Variants in JAK1 observed in about 807,000 individuals in gnomAD.
The protein encoded by JAK1 is Janus kinase 1, also known as tyrosine-protein kinase JAK1.
JAK1 carries 16 observed loss-of-function variants against 136.6 expected under a neutral mutation model. The ratio of observed to expected loss-of-function variants is 0.12; its 90% CI spans 0.08 to 0.18. The LOEUF is 0.18. Ranked by LOEUF, JAK1 falls within the 10% of genes least tolerant of loss-of-function variation. The pLI, the probability that JAK1 is intolerant of heterozygous loss-of-function variation, is 1.00. For missense variants in JAK1, 859 were observed against 1,450.1 expected, an observed-to-expected ratio of 0.59 and a Z score of 6.62; for synonymous variants, 492 against 519.5, an observed-to-expected ratio of 0.95 and a Z score of 0.72.
rs76199015 is a variant in JAK1 at position 64,896,011 on chromosome 1, C to T, written c.-77-9670G>A. On this transcript the variant is annotated intron_variant, in intron 1 of 24. Transcript: ENST00000342505. ...CTGTCAATGGGGAACTACTCGGGAA[C>T]GGGGAAGCTATCCAAGTCTTGGAGA... Among the ~76,000 whole-genome samples the T allele has an allele frequency of 2.0e-3, 298 of 152,260 alleles. 2 individuals carry two copies. Among genetic ancestry groups the T allele is most frequent in the Non-Finnish European group, 3.2e-3 (218 of 68,014 alleles).
At position 64,839,604 on chromosome 1, in the gene JAK1, G is replaced by A. The variant is rs200375330; in HGVS notation, c.2841C>T (p.Asp947=). The change falls in exon 20 of 25, where the codon GAC becomes GAT. Residue 947 remains aspartate, a splice_region_variant and synonymous_variant. Transcript: ENST00000342505. The part of the protein sequence containing the change: ...IVKYKGICTE[D]GGNGIKLIME... ...GGACCCCAGCCTTGCATAACATACC[G>A]TCTTCTGTGCAGATTCCTTTGTACT... 7.5e-4 allele frequency: 1,217 copies of A among 1,613,096 alleles called. 1 individual carries two copies. Among genetic ancestry groups the A allele is most frequent in the Non-Finnish European group, 9.6e-4 (1,132 of 1,179,366 alleles).
chr1:64,847,470 T>C, intron 13 of JAK1, 62 bp downstream of exon 13: 1 of 1,595,294 alleles, frequency 6.3e-7, no homozygotes, highest in Non-Finnish European at 8.6e-7. Context: ...CTCAACCCAT[T>C]GTGTTCCACT....
chr1:65,035,093 A>AAAT (rs1400605349), intron 2 of JAK1, among the ~76,000 whole-genome samples: 2 of 147,038 alleles, frequency 1.4e-5, no homozygotes, highest in Non-Finnish European at 3.0e-5. Context: ...AATAAATAAT[A>AAAT]AATAAATTCT....
chr1:64,934,918 G>C (rs1022897531), intron 1 of JAK1, among the ~76,000 whole-genome samples: 1 of 152,208 alleles, frequency 6.6e-6, no homozygotes, highest in Non-Finnish European at 1.5e-5. Flanking sequence ...GGGTCCACTA[G>C]TAGGACCCTC....
intron 1 of JAK1, among the ~76,000 whole-genome samples, chr1:64,888,619 C>CA (rs541302695): frequency 1.4e-3 from 211 of 152,308 alleles, no homozygotes; most frequent in African/African-American, 5.0e-3. Context: ...TAGAATTCTA[C>CA]AAAAACCAGT....
chr1:64,856,842 G>T (rs1230434264), intron 10 of JAK1, among the ~76,000 whole-genome samples: 1 of 128,496 alleles, frequency 7.8e-6, no homozygotes, highest in Non-Finnish European at 1.6e-5. Flanking sequence ...AGCCCCAGGG[G>T]TTCGCCAATA....
intron 1 of JAK1, among the ~76,000 whole-genome samples, chr1:65,067,385 C>T (rs1184181274): frequency 6.7e-6 from 1 of 149,144 alleles, no homozygotes; most frequent in East Asian, 1.9e-4. Flanking sequence ...GTGCGCCCCA[C>T]GGCTTCCCGC....
intron 1 of JAK1, among the ~76,000 whole-genome samples, chr1:65,065,055 A>C (rs1647980882): frequency 6.6e-6 from 1 of 152,072 alleles, no homozygotes; most frequent in African/African-American, 2.4e-5. Flanking sequence ...CTCACTCCCC[A>C]TGTCAAAGTT....
rs143400726 is a variant in JAK1 at position 64,888,645 on chromosome 1, G to T, written c.-77-2304C>A. 3.1e-3 allele frequency among the ~76,000 whole-genome samples: 468 copies of T among 152,262 alleles called. 1 individual carries two copies. The highest frequency in any genetic ancestry group is 5.5e-3 in the Non-Finnish European group (376 of 67,998). On this transcript the variant is annotated intron_variant, in intron 1 of 24. Coordinates refer to ENST00000342505, the MANE Select transcript of JAK1 (RefSeq NM_002227.4). The stretch of plus-strand genomic sequence containing the variant: ...AAAAACCAGTAATCAAGGGGAGTTT[G>T]GTTTTCCAATCATTCTGTCTCTTCT...
chr1:64,986,134 T>C (rs1569824266), intron 2 of JAK1: 1 of 625,244 alleles, frequency 1.6e-6, no homozygotes, highest in East Asian at 4.3e-5. Flanking sequence ...GGACAGAGTT[T>C]CACTCTTGTT....
intron 1 of JAK1, among the ~76,000 whole-genome samples, chr1:64,928,350 C>A (rs1194080577): frequency 6.6e-6 from 1 of 152,110 alleles, no homozygotes; most frequent in African/African-American, 2.4e-5. Flanking sequence ...GAGAAAGATT[C>A]CAGAACAAAG....
intron 2 of JAK1, among the ~76,000 whole-genome samples, chr1:64,974,901 T>C (rs1646484633): frequency 6.7e-6 from 1 of 148,312 alleles, no homozygotes; most frequent in Non-Finnish European, 1.5e-5. Context: ...GTTTGTTTTG[T>C]TTTGTTTTTT....
chr1:64,881,040 A>G (rs370075629), intron 3 of JAK1, among the ~76,000 whole-genome samples: 19 of 152,216 alleles, frequency 1.2e-4, no homozygotes, highest in African/African-American at 3.9e-4. Context: ...AGGCTAAAGC[A>G]GGAGGATCAC....
intron 1 of JAK1, among the ~76,000 whole-genome samples, chr1:64,919,992 CAATA>C (rs1645467777): frequency 6.6e-6 from 1 of 151,888 alleles, no homozygotes; most frequent in Non-Finnish European, 1.5e-5. Context: ...AAATGTTTCT[CAATA>C]AATAATAAAC....
intron 1 of JAK1, among the ~76,000 whole-genome samples, chr1:65,053,073 C>A (rs1647363017): frequency 6.9e-6 from 1 of 144,922 alleles, no homozygotes. Context: ...AGGCTGGGCA[C>A]AGTGGCTCAC....
At position 64,875,994 on chromosome 1, in the gene JAK1, G is replaced by A. The variant is rs41285404; in HGVS notation, c.330-2471C>T. On this transcript the variant is annotated intron_variant, in intron 4 of 24. Transcript: ENST00000342505. ...GTTCTGACAGAATGGCCAACAGGAGGGGTAAATGCTGTTTGATGGCGGAGG... is the reference window on the plus strand; with the variant it reads ...GTTCTGACAGAATGGCCAACAGGAGAGGTAAATGCTGTTTGATGGCGGAGG... The A allele has an allele frequency of 1.2e-3, 179 of 152,464 alleles. 1 individual carries two copies. The highest frequency in any genetic ancestry group is 2.5e-3 in the Admixed American group (39 of 15,298). The allele number at this position is 152,464 out of a possible 1,614,324, so 9.4% of individuals were successfully genotyped here. A position where few individuals can be genotyped will look rare whatever the true frequency, so the allele number is the denominator to read the frequency against.
At chr1:64,942,828 A>G (rs1645914634) in intron 1 of JAK1, among the ~76,000 whole-genome samples, 1 of 152,208 alleles carries the variant, frequency 6.6e-6, no homozygotes, top group Non-Finnish European at 1.5e-5. Context: ...ATTACAGGGC[A>G]CACTCTCAGT....
intron 1 of JAK1, among the ~76,000 whole-genome samples, chr1:64,913,538 T>A (rs1484076996): frequency 3.3e-5 from 5 of 151,564 alleles, no homozygotes; most frequent in Non-Finnish European, 7.4e-5. Context: ...TGACTAATCA[T>A]TCAATAGTTA....
chr1:64,877,973 T>C (rs1644700738), intron 4 of JAK1, among the ~76,000 whole-genome samples: 1 of 152,204 alleles, frequency 6.6e-6, no homozygotes, highest in Non-Finnish European at 1.5e-5. Flanking sequence ...GAAAGTTAGA[T>C]CTGGTTCAGT....
Sources: gnomAD v4.1 joint callset for allele counts (sites outside exome capture counted in the v4.1 genomes callset) on GRCh38, gnomAD v4.1.1 for gene constraint, MANE v1.5 for transcripts, NCBI Gene and HGNC (gene_info 2026-07-23, HGNC 2026-07-21) for gene names.